The following HSDL1 variants were observed in gnomAD, a reference collection of about 807,000 sequenced individuals.
The protein encoded by HSDL1 is hydroxysteroid dehydrogenase like 1, also known as inactive hydroxysteroid dehydrogenase-like protein 1.
In HSDL1, 29 loss-of-function variants were observed where a neutral mutation model predicts 31.5. The ratio of observed to expected loss-of-function variants is 0.92; its 90% confidence interval spans 0.69 to 1.26. HSDL1 has a LOEUF of 1.26. Among genes scored for constraint, HSDL1 ranks in the 50% most tolerant of loss-of-function variants. The pLI, the probability that HSDL1 is intolerant of heterozygous loss-of-function variation, is 0.00. For synonymous variants in HSDL1, 222 were observed against 155.2 expected, an observed-to-expected ratio of 1.43 and a Z score of -3.20; for missense variants, 503 against 416.6, an observed-to-expected ratio of 1.21 and a Z score of -1.81.
chr16:84,133,067 C>G (rs1245556969), intron 2 of HSDL1, among the ~76,000 whole-genome samples: 1 of 151,142 alleles, frequency 6.6e-6, no homozygotes, highest in Admixed American at 6.6e-5. Flanking sequence ...GGGGAATTCC[C>G]TCCTACTCCA....
intron 5 of HSDL1, among the ~76,000 whole-genome samples, chr16:84,126,015 A>C (rs1292704730): frequency 6.6e-6 from 1 of 150,850 alleles, no homozygotes; most frequent in Non-Finnish European, 1.5e-5. Context: ...AGGCAGGAAA[A>C]TGGTGTGAAC....
chr16:84,132,388 T>G (rs1301350331), intron 2 of HSDL1, among the ~76,000 whole-genome samples: 2 of 152,208 alleles, frequency 1.3e-5, no homozygotes, highest in Non-Finnish European at 2.9e-5. Context: ...AAAAAAATTT[T>G]TTTTAAAGAG....
intron 1 of HSDL1, among the ~76,000 whole-genome samples, chr16:84,137,073 G>C (rs2086719803): frequency 6.6e-6 from 1 of 152,202 alleles, no homozygotes; most frequent in Non-Finnish European, 1.5e-5. Flanking sequence ...AAAATACAAA[G>C]TGTCAGAGAC....
intron 2 of HSDL1, among the ~76,000 whole-genome samples, chr16:84,131,772 G>T (rs1392632181): frequency 6.7e-6 from 1 of 149,182 alleles, no homozygotes; most frequent in African/African-American, 2.5e-5. Flanking sequence ...TCCGCCCCCT[G>T]GGGTTCACGC....
chr16:84,134,280 G>A (rs527675660), intron 2 of HSDL1, among the ~76,000 whole-genome samples: 1 of 152,070 alleles, frequency 6.6e-6, no homozygotes, highest in Non-Finnish European at 1.5e-5. Context: ...ATAAGTACTG[G>A]ACTCCCAAAG....
chr16:84,124,741 G>A lies in HSDL1; in HGVS notation c.895-13C>T, dbSNP rs374611514. ...GTGCAAAAAGAAACTAAAAATGAAA[G>A]AGAAAAAGGTTGTAAGGTTAGAACC... On this transcript the variant is annotated splice_polypyrimidine_tract_variant and intron_variant, in intron 5 of 5. Coordinates refer to ENST00000219439, the MANE Select transcript of HSDL1 (RefSeq NM_031463.5). The A allele has an allele frequency of 1.1e-5, 17 of 1,595,358 alleles. No individual in the cohort carries two copies. Among genetic ancestry groups the A allele is most frequent in the African/African-American group, 1.3e-5 (1 of 74,576 alleles).
At chr16:84,142,216 C>G (rs1344129554) in intron 1 of HSDL1, among the ~76,000 whole-genome samples, 3 of 152,188 alleles carry the variant, frequency 2.0e-5, no homozygotes, top group Non-Finnish European at 2.9e-5. Flanking sequence ...GTGGGAGCCA[C>G]TGCACCTGGC....
At position 84,136,531 on chromosome 16, in the gene HSDL1, C is replaced by T. The variant is rs560888657; in HGVS notation, c.-68-926G>A. On this transcript the variant is annotated intron_variant, in intron 1 of 5. Transcript: ENST00000219439. Reference sequence around the variant, plus strand: ...GCTCAGCCCTCAGCTCAGGAGCGGACCACCCACAAATTCCTTTGATCCTTT... The same window carrying T: ...GCTCAGCCCTCAGCTCAGGAGCGGATCACCCACAAATTCCTTTGATCCTTT... 1.2e-4 allele frequency among the ~76,000 whole-genome samples: 18 copies of T among 152,352 alleles called. No individual in the cohort carries two copies. In the South Asian group the frequency reaches 3.3e-3, roughly 28 times the overall value.
chr16:84,131,202 G>C lies in HSDL1; in HGVS notation c.120C>G (p.Val40=). 4 of 1,614,088 alleles carry C rather than the reference G, an allele frequency of 2.5e-6. No individual in the cohort carries two copies. Among genetic ancestry groups the C allele is most frequent in the Non-Finnish European group, 3.4e-6 (4 of 1,179,948 alleles). ...AWYTARKSIT[V]ICDFYSLIRL... Reference sequence around the variant, plus strand: ...TGATCAGGCTGTAAAAGTCACAGATGACAGTGATGCTTTTTCTGGCCGTAT... The same window carrying C: ...TGATCAGGCTGTAAAAGTCACAGATCACAGTGATGCTTTTTCTGGCCGTAT... The change falls in exon 3 of 6, where the codon GTC becomes GTG. Residue 40 remains valine, a synonymous_variant. Coordinates refer to ENST00000219439, the MANE Select transcript of HSDL1 (RefSeq NM_031463.5).
rs769635720 is a variant in HSDL1, at chr16:84,135,572, C to T, written c.-35G>A. The T allele has an allele frequency of 6.6e-6, 1 of 152,240 alleles. No homozygotes were observed. Among genetic ancestry groups the T allele is most frequent in the Non-Finnish European group, 1.5e-5 (1 of 68,058 alleles). The allele number at this position is 152,240 out of a possible 1,614,324, so 9.4% of individuals were successfully genotyped here. Reference sequence around the variant, plus strand: ...CTCTCTGCCAGTTCTGGGCCGTCAGCAGTATGTGGCTCCGTCCTTCTCTTA... The same window carrying T: ...CTCTCTGCCAGTTCTGGGCCGTCAGTAGTATGTGGCTCCGTCCTTCTCTTA... On this transcript the variant is annotated 5_prime_UTR_variant, in exon 2 of 6. Coordinates refer to ENST00000219439, the MANE Select transcript of HSDL1 (RefSeq NM_031463.5).
At chr16:84,129,313 G>A (rs1278512286) in intron 5 of HSDL1, among the ~76,000 whole-genome samples, 3 of 151,976 alleles carry the variant, frequency 2.0e-5, no homozygotes, top group African/African-American at 4.8e-5. Context: ...CCGGGAGGCG[G>A]AGCTTGCAGT....
intron 3 of HSDL1, 161 bp downstream of exon 3, chr16:84,130,941 A>G (rs2086658157): frequency 6.3e-6 from 4 of 638,040 alleles, no homozygotes; most frequent in Non-Finnish European, 1.1e-5. Context: ...CTAAGATGAG[A>G]GCAGTAAGAA....
chr16:84,130,983 C>G, intron 3 of HSDL1, 119 bp downstream of exon 3: 1 of 800,976 alleles, frequency 1.2e-6, no homozygotes, highest in South Asian at 1.7e-5. Context: ...CGGCAGGAGC[C>G]ATAAGTTTTA....
chr16:84,131,463 G>T, intron 2 of HSDL1, 136 bp from the exon 3 acceptor site: 1 of 643,096 alleles, frequency 1.6e-6, no homozygotes. Flanking sequence ...CTTTTCAAAT[G>T]TACGTGGCTC....
intron 1 of HSDL1, among the ~76,000 whole-genome samples, chr16:84,143,175 C>A (rs2086784581): frequency 6.6e-6 from 1 of 152,192 alleles, no homozygotes; most frequent in Non-Finnish European, 1.5e-5. Context: ...CTACTCACAA[C>A]TGCCAGAAGG....
In HSDL1 at chr16:84,123,032, G is replaced by A. The variant is rs1001687333; in HGVS notation, c.*1598C>T. On this transcript the variant is annotated 3_prime_UTR_variant, in exon 6 of 6. Coordinates refer to ENST00000219439, the MANE Select transcript of HSDL1 (RefSeq NM_031463.5). ...ATTATACATCAAAGTTCACGTCAAT[G>A]TGGCATGAAGTCAAGAGGATTCCAA... 1 of 152,194 alleles carries A rather than the reference G, an allele frequency of 6.6e-6. No homozygotes were observed. The highest frequency in any genetic ancestry group is 2.4e-5 in the African/African-American group (1 of 41,442). The allele number at this position is 152,194 out of a possible 1,614,324, so 9.4% of individuals were successfully genotyped here. A position where few individuals can be genotyped will look rare whatever the true frequency, so the allele number is the denominator to read the frequency against.
rs2086560822 is a variant in HSDL1, at chr16:84,122,178, C to T, written c.*2452G>A. The T allele has an allele frequency of 1.3e-5, 2 of 152,670 alleles. No homozygotes were observed. The highest frequency in any genetic ancestry group is 2.9e-5 in the Non-Finnish European group (2 of 68,020). 9.5% of individuals were successfully genotyped at this position (152,670 alleles called of 1,614,324 possible). On this transcript the variant is annotated 3_prime_UTR_variant, in exon 6 of 6. Transcript: ENST00000219439. ...CGTGTCAGCTTTTAATCAGTTATGA[C>T]CACTGTTGTTCATGTTAATTTCTTG... is the stretch of plus-strand genomic sequence containing the variant.
At chr16:84,144,817 G>A (rs1306450680) in intron 1 of HSDL1, among the ~76,000 whole-genome samples, 1 of 150,398 alleles carries the variant, frequency 6.6e-6, no homozygotes, top group African/African-American at 2.4e-5. Flanking sequence ...GGGGAAGGGG[G>A]GCTCTGAGAT....
At position 84,145,087 on chromosome 16, in the gene HSDL1, C is replaced by G. The variant is rs111357582; in HGVS notation, c.-76G>C. ...GCGCGGGGGGCGCGGTACCTGCAGG[C>G]CGGCAAAGTCTTCCAAACCGGTCCC... On this transcript the variant is annotated 5_prime_UTR_variant, in exon 1 of 6. Coordinates refer to ENST00000219439, the MANE Select transcript of HSDL1 (RefSeq NM_031463.5). 0.051 allele frequency: 8,213 copies of G among 160,086 alleles called. 725 individuals are homozygous for G. The highest frequency in any genetic ancestry group is 0.19 in the African/African-American group (7,788 of 41,806). The allele number at this position is 160,086 out of a possible 1,614,324, so 9.9% of individuals were successfully genotyped here.
Sources: allele counts gnomAD v4.1 joint callset (sites outside exome capture counted in the v4.1 genomes callset), GRCh38; gene constraint gnomAD v4.1.1; transcripts MANE v1.5; gene names NCBI Gene and HGNC (gene_info 2026-07-23, HGNC 2026-07-21).